The following ADGRL3 variants were observed in gnomAD, a reference collection of about 807,000 sequenced individuals.
The protein encoded by ADGRL3 is calcium-independent alpha-latrotoxin receptor 3.
ADGRL3 carries 62 observed loss-of-function variants against 153.5 expected under a neutral mutation model. The ratio of observed to expected loss-of-function variants is 0.40; its 90% CI spans 0.33 to 0.50. The LOEUF is 0.50. ADGRL3 is among the 20% of genes least tolerant of loss of function. The pLI is 0.47. For missense variants in ADGRL3, 1,641 were observed against 1,859.4 expected (o/e 0.88, Z 2.16); for synonymous variants, 710 against 672.5 (o/e 1.06, Z -0.86).
intron 2 of ADGRL3, among the ~76,000 whole-genome samples, chr4:61,422,939 C>T (rs2097224495): frequency 6.6e-6 from 1 of 151,894 alleles, no homozygotes; most frequent in Non-Finnish European, 1.5e-5. Context: ...GAAAAAGTAA[C>T]AATTTTGGTA....
Position 61,935,007 on chromosome 4 carries a change from G to C in ADGRL3, c.2280G>C (p.Glu760Asp). ...DNLLKTDIVRENTDNIKLEVA... is the reference protein window; with the variant it reads ...DNLLKTDIVRDNTDNIKLEVA... ...TTTTGAAGACTGACATTGTCAGGGA[G>C]AATACAGACAATATTAGTAAGTGGC... The change falls in exon 14 of 27, where the codon GAG becomes GAC. Residue 760 changes from glutamate (E) to aspartate (D), a missense_variant. Glu to Asp is a conservative substitution (Grantham distance 45). Coordinates refer to ENST00000683033, the MANE Select transcript of ADGRL3 (RefSeq NM_001387552.1). The C allele has an allele frequency of 6.2e-7, 1 of 1,613,600 alleles. No individual in the cohort carries two copies. Among genetic ancestry groups the C allele is most frequent in the African/African-American group, 1.3e-5 (1 of 74,984 alleles).
At chr4:61,826,693 C>T (rs373784809) in intron 9 of ADGRL3, among the ~76,000 whole-genome samples, 2 of 152,112 alleles carry the variant, frequency 1.3e-5, no homozygotes, top group South Asian at 2.1e-4. Flanking sequence ...ATGACTGTAG[C>T]TACACGGTGG....
chr4:61,224,196 A>G (rs911810362), intron 1 of ADGRL3, among the ~76,000 whole-genome samples: 1 of 152,124 alleles, frequency 6.6e-6, no homozygotes, highest in Non-Finnish European at 1.5e-5. Context: ...TTACTCTTTC[A>G]GCTTCCAGAC....
chr4:61,401,076 T>A (rs1379164), intron 2 of ADGRL3, among the ~76,000 whole-genome samples: 11,619 of 138,464 alleles, frequency 0.084, 1,240 homozygotes, highest in African/African-American at 0.23. Context: ...TTTTTTTTTT[T>A]AAAAAAAAGA....
chr4:61,823,896 C>T (rs2097777273), intron 9 of ADGRL3, among the ~76,000 whole-genome samples: 1 of 151,936 alleles, frequency 6.6e-6, no homozygotes, highest in South Asian at 2.1e-4. Context: ...CCTGTCTCTA[C>T]TAAAAATACA....
Position 61,909,608 on chromosome 4 carries a change from C to G in ADGRL3, c.1936C>G (p.Gln646Glu). ...CAACATTGCTAGAGAGCTGGCTGAA[C>G]AGACAAGAAATCACTTGAATGCTGG... ...AANIARELAE[Q>E]TRNHLNAGDI... The change falls in exon 12 of 27, where the codon CAG becomes GAG. Residue 646 changes from glutamine to glutamate, a missense_variant. Gln to Glu is a conservative substitution (Grantham distance 29). Around this residue, in one of 5 missense-constraint regions of ADGRL3, gnomAD observed 734 missense variants for 797.0 expected, o/e 0.92. Coordinates refer to ENST00000683033, the MANE Select transcript of ADGRL3 (RefSeq NM_001387552.1). 1 of 1,613,452 alleles carries G rather than the reference C, an allele frequency of 6.2e-7. No individual in the cohort carries two copies. The highest frequency in any genetic ancestry group is 8.5e-7 in the Non-Finnish European group (1 of 1,179,702).
At chr4:61,824,017 G>C (rs7679793) in intron 9 of ADGRL3, among the ~76,000 whole-genome samples, 59,160 of 151,880 alleles carry the variant, frequency 0.39, 12,377 homozygotes, top group East Asian at 0.62. Flanking sequence ...AGCCCAGATC[G>C]TACCACTGCA....
chr4:61,414,224 G>C (rs2097121937), intron 2 of ADGRL3, among the ~76,000 whole-genome samples: 2 of 152,120 alleles, frequency 1.3e-5, no homozygotes, highest in Non-Finnish European at 2.9e-5. Context: ...GGAAAAATTG[G>C]AATAATAATA....
At chr4:61,465,758 A>AAT (rs10701021) in intron 2 of ADGRL3, among the ~76,000 whole-genome samples, 9,009 of 130,138 alleles carry the variant, frequency 0.069, 443 homozygotes, top group African/African-American at 0.13. Context: ...ATTATATATA[A>AAT]ATATATATAT....
chr4:61,500,207 A>G (rs1448547113), intron 3 of ADGRL3, among the ~76,000 whole-genome samples: 1 of 152,220 alleles, frequency 6.6e-6, no homozygotes, highest in Non-Finnish European at 1.5e-5. Context: ...ATTCAATATT[A>G]TCTTGAGTTT....
At chr4:61,856,598 CTCTCTCTTTTTTTTTTTTTT>C (rs1190771685) in intron 9 of ADGRL3, among the ~76,000 whole-genome samples, 52 of 56,944 alleles carry the variant, frequency 9.1e-4, no homozygotes, top group African/African-American at 2.7e-3. Flanking sequence ...CTCTCTCTCT[CTCTCTCTTTTTTTTTTTTTT>C]TTTTTTTTTT....
intron 15 of ADGRL3, among the ~76,000 whole-genome samples, chr4:61,946,210 A>G (rs1013708488): frequency 6.6e-6 from 1 of 152,168 alleles, no homozygotes; most frequent in Admixed American, 6.5e-5. Context: ...CATTTCTTCC[A>G]CATCCTTATC....
intron 5 of ADGRL3, among the ~76,000 whole-genome samples, chr4:61,646,793 G>A (rs1459054525): frequency 6.6e-6 from 1 of 152,170 alleles, no homozygotes; most frequent in Non-Finnish European, 1.5e-5. Context: ...CTTGAGCTGT[G>A]GTGGGCTCCA....
At chr4:61,628,803 G>T (rs933017792) in intron 5 of ADGRL3, among the ~76,000 whole-genome samples, 3 of 152,146 alleles carry the variant, frequency 2.0e-5, no homozygotes, top group South Asian at 2.1e-4. Context: ...TCAAAATACA[G>T]CTCAGGGAGA....
At chr4:61,350,421 A>G (rs1215891102) in intron 1 of ADGRL3, among the ~76,000 whole-genome samples, 1 of 149,000 alleles carries the variant, frequency 6.7e-6, no homozygotes, top group East Asian at 2.0e-4. Flanking sequence ...TAAATTTAAG[A>G]GCAGTGATAT....
chr4:61,766,840 T>C (rs1283771287), intron 8 of ADGRL3, among the ~76,000 whole-genome samples: 1 of 151,888 alleles, frequency 6.6e-6, no homozygotes, highest in Non-Finnish European at 1.5e-5. Context: ...GGAGAGTATA[T>C]GGGTTTGGCA....
chr4:61,441,369 A>C (rs1476510756), intron 2 of ADGRL3, among the ~76,000 whole-genome samples: 1 of 152,130 alleles, frequency 6.6e-6, no homozygotes, highest in African/African-American at 2.4e-5. Flanking sequence ...TTTGGTATTC[A>C]CTATCTTTCA....
chr4:61,387,862 G>C (rs548762611), intron 2 of ADGRL3, among the ~76,000 whole-genome samples: 20 of 152,234 alleles, frequency 1.3e-4, no homozygotes, highest in Non-Finnish European at 1.9e-4. Flanking sequence ...AATCACAAGG[G>C]TATTGATTGG....
chr4:61,865,728 C>T (rs1297684819), intron 9 of ADGRL3, among the ~76,000 whole-genome samples: 1 of 152,124 alleles, frequency 6.6e-6, no homozygotes, highest in Non-Finnish European at 1.5e-5. Flanking sequence ...CTGATATTTC[C>T]ACTTGACTCT....
Sources: gnomAD v4.1 joint callset for allele counts (sites outside exome capture counted in the v4.1 genomes callset) on GRCh38, gnomAD v4.1.1 for gene constraint, gnomAD v4.1.1 regional missense constraint, MANE v1.5 for transcripts, NCBI Gene and HGNC (gene_info 2026-07-23, HGNC 2026-07-21) for gene names.